JAM3: variants seen among roughly 807,000 people sequenced by gnomAD.
JAM3 encodes junctional adhesion molecule 3.
JAM3 carries 31 observed loss-of-function variants against 39.4 expected under a neutral mutation model. The observed-to-expected ratio is 0.79, with a 90% confidence interval of 0.59 to 1.06. The LOEUF (loss-of-function observed/expected upper bound fraction) is 1.06. Among genes scored for constraint, JAM3 ranks in the 50% least tolerant of loss-of-function variants. JAM3 has a pLI of 0.00. For missense variants in JAM3, 455 were observed against 391.4 expected (o/e 1.16, Z -1.37); for synonymous variants, 182 against 148.7 (o/e 1.22, Z -1.63).
intron 1 of JAM3, among the ~76,000 whole-genome samples, chr11:134,134,488 G>A (rs1043590041): frequency 1.7e-4 from 25 of 150,352 alleles, no homozygotes; most frequent in East Asian, 1.9e-4. Context: ...AAGACAGAGG[G>A]GAAAAGTACC....
rs1401599098 is a variant in JAM3, at chr11:134,144,346, A to G, written c.362A>G (p.Asn121Ser). The change falls in exon 4 of 9, where the codon AAT becomes AGT. Residue 121 changes from asparagine to serine, a missense_variant. By Grantham distance (46) the Asn-to-Ser change is conservative. Transcript: ENST00000299106. ...TATCGCTGTGAGGTCGTTGCTCGAAATGACCGCAAGGAAATTGATGAGATT... is the reference window on the plus strand; with the variant it reads ...TATCGCTGTGAGGTCGTTGCTCGAAGTGACCGCAAGGAAATTGATGAGATT... ...ALYRCEVVARNDRKEIDEIVI... is the reference protein window; with the variant it reads ...ALYRCEVVARSDRKEIDEIVI... 1 of 1,614,234 alleles carries G rather than the reference A, an allele frequency of 6.2e-7. No homozygotes were observed.
intron 6 of JAM3, among the ~76,000 whole-genome samples, chr11:134,147,479 C>A (rs1484594175): frequency 8.6e-4 from 95 of 110,716 alleles, no homozygotes; most frequent in African/African-American, 1.4e-3. Context: ...AAAAAAAAAA[C>A]GATTGCAAGT....
chr11:134,081,308 A>T (rs1177268591), intron 1 of JAM3, among the ~76,000 whole-genome samples: 1 of 152,224 alleles, frequency 6.6e-6, no homozygotes, highest in Admixed American at 6.5e-5. Context: ...GACAATGGGG[A>T]AAATGTCTTC....
At position 134,150,852 on chromosome 11, in the gene JAM3, G is replaced by GCCTTTT; in HGVS notation, c.*1671_*1672insCCTTTT. 4 of 152,140 alleles carry GCCTTTT rather than the reference G, an allele frequency of 2.6e-5. No individual in the cohort carries two copies. In the South Asian group the frequency reaches 8.3e-4, roughly 32 times the overall value. The allele number at this position is 152,140 out of a possible 1,614,324, so 9.4% of individuals were successfully genotyped here. A position where few individuals can be genotyped will look rare whatever the true frequency, so the allele number is the denominator to read the frequency against. The stretch of plus-strand genomic sequence containing the variant: ...GTGGCGGCCAGTCCAGCCTTTTAAA[G>GCCTTTT]AACGTCAGGTGGAGCAGCCAGGTGA... On this transcript the variant is annotated 3_prime_UTR_variant, in exon 9 of 9. Transcript: ENST00000299106.
Position 134,146,157 on chromosome 11 carries a change from C to A in JAM3, c.712+112C>A. 3 of 791,132 alleles carry A rather than the reference C, an allele frequency of 3.8e-6. No individual in the cohort carries two copies. The Admixed American group carries it at 6.0e-5, about 16-fold the overall frequency. The allele number at this position is 791,132 out of a possible 1,614,324, so 49.0% of individuals were successfully genotyped here. A position where few individuals can be genotyped will look rare whatever the true frequency, so the allele number is the denominator to read the frequency against. On this transcript the variant is annotated intron_variant, in intron 6 of 8. Coordinates refer to ENST00000299106, the MANE Select transcript of JAM3 (RefSeq NM_032801.5). ...AACTCTTCCGCCATGGGTTAGCTTT[C>A]TTCTGGAGCTGCCTAGGTCCACCAG...
intron 1 of JAM3, among the ~76,000 whole-genome samples, chr11:134,119,767 TC>T (rs910533906): frequency 2.7e-5 from 4 of 150,546 alleles, no homozygotes; most frequent in African/African-American, 9.7e-5. Context: ...GTTAATCTCA[TC>T]TTAAAAACCC....
Position 134,144,778 on chromosome 11 carries a change from C to CCTTTT in JAM3, c.410-14_410-13insCTTTT. 1 of 1,610,914 alleles carries CCTTTT rather than the reference C, an allele frequency of 6.2e-7. No individual in the cohort carries two copies. The highest frequency in any genetic ancestry group is 8.5e-7 in the Non-Finnish European group (1 of 1,177,476). ...GTCACTGAGATCTTAAACACCACCCCTTTTTCCCCACAGTGAAGCCAGTGA... is the reference window on the plus strand; with the variant it reads ...GTCACTGAGATCTTAAACACCACCCCCTTTTTTTTTCCCCACAGTGAAGCCAGTGA... On this transcript the variant is annotated splice_polypyrimidine_tract_variant and intron_variant, in intron 4 of 8. Coordinates refer to ENST00000299106, the MANE Select transcript of JAM3 (RefSeq NM_032801.5).
chr11:134,141,925 A>C (rs1942980278), intron 3 of JAM3, among the ~76,000 whole-genome samples: 1 of 151,662 alleles, frequency 6.6e-6, no homozygotes, highest in South Asian at 2.1e-4. Context: ...AAGCAGCTCC[A>C]ACACAGTCTT....
intron 1 of JAM3, among the ~76,000 whole-genome samples, chr11:134,122,236 A>G (rs565493428): frequency 6.6e-6 from 1 of 152,338 alleles, no homozygotes; most frequent in South Asian, 2.1e-4. Flanking sequence ...CTACTGGCCT[A>G]GCTGACGCTA....
chr11:134,149,053 C>T (rs139576364), intron 8 of JAM3, 93 bp from the exon 9 acceptor site: 143 of 1,430,100 alleles, frequency 1.0e-4, no homozygotes, highest in Non-Finnish European at 1.3e-4. Context: ...ATGATTATTC[C>T]ATCTGTATTT....
intron 1 of JAM3, among the ~76,000 whole-genome samples, chr11:134,138,495 G>C (rs550866302): frequency 6.6e-6 from 1 of 152,242 alleles, no homozygotes; most frequent in East Asian, 1.9e-4. Flanking sequence ...CTCATGCTGA[G>C]AGAAATGTTT....
intron 1 of JAM3, among the ~76,000 whole-genome samples, chr11:134,097,609 A>AGG (rs1369424881): frequency 6.6e-6 from 1 of 152,158 alleles, no homozygotes; most frequent in Non-Finnish European, 1.5e-5. Flanking sequence ...CTAATGGAGA[A>AGG]GGGAGGCATT....
chr11:134,089,488 T>A (rs1259686), intron 1 of JAM3, among the ~76,000 whole-genome samples: 1 of 151,870 alleles, frequency 6.6e-6, no homozygotes, highest in African/African-American at 2.4e-5. Flanking sequence ...GCCCCGGTGT[T>A]TGATGTTCCC....
intron 1 of JAM3, among the ~76,000 whole-genome samples, chr11:134,131,253 T>G (rs532205209): frequency 1.6e-4 from 23 of 144,228 alleles, no homozygotes; most frequent in South Asian, 1.2e-3. Context: ...GGGGGGTGGT[T>G]GTTGTAGTGT....
Position 134,124,111 on chromosome 11 carries a change from GT to G in JAM3, c.77-15739del, listed in dbSNP as rs937930727. 5.9e-5 allele frequency: 87 copies of G among 1,487,158 alleles called. No individual in the cohort carries two copies. In the African/African-American group the frequency reaches 1.1e-3, roughly 19 times the overall value. 92.1% of individuals were successfully genotyped at this position (1,487,158 alleles called of 1,614,324 possible). A position where few individuals can be genotyped will look rare whatever the true frequency, so the allele number is the denominator to read the frequency against. On this transcript the variant is annotated intron_variant, in intron 1 of 8. Transcript: ENST00000299106. ...CAATCATCTACTATCTGATTAGGGG[GT>G]GGAGCTCCATCATCAAATGGCCAAT... is the stretch of plus-strand genomic sequence containing the variant.
At chr11:134,102,718 C>A (rs990002877) in intron 1 of JAM3, among the ~76,000 whole-genome samples, 4 of 152,162 alleles carry the variant, frequency 2.6e-5, no homozygotes, top group African/African-American at 9.7e-5. Flanking sequence ...GTGACGAATG[C>A]ACAAGCTTTA....
chr11:134,120,041 C>T (rs1942504469), intron 1 of JAM3, among the ~76,000 whole-genome samples: 2 of 151,964 alleles, frequency 1.3e-5, no homozygotes, highest in African/African-American at 2.4e-5. Flanking sequence ...TATCCACCCC[C>T]ACCTCCCACC....
At chr11:134,102,329 A>G (rs1458548854) in intron 1 of JAM3, among the ~76,000 whole-genome samples, 1 of 152,220 alleles carries the variant, frequency 6.6e-6, no homozygotes, top group Non-Finnish European at 1.5e-5. Context: ...AAAACTAACA[A>G]ACAGAAAGGA....
chr11:134,149,818 T>G lies in JAM3; in HGVS notation c.*637T>G, dbSNP rs1284313013. On this transcript the variant is annotated 3_prime_UTR_variant, in exon 9 of 9. Coordinates refer to ENST00000299106, the MANE Select transcript of JAM3 (RefSeq NM_032801.5). ...AGGGATCTTGCCTGAGGAACCCTGC[T>G]TGTCCAACAGGGTGTCAGGATTTAA... The G allele has an allele frequency of 2.7e-6, 1 of 374,006 alleles. No homozygotes were observed. The highest frequency in any genetic ancestry group is 2.1e-5 in the African/African-American group (1 of 47,422). The allele number at this position is 374,006 out of a possible 1,614,324, so 23.2% of individuals were successfully genotyped here.
Sources: gnomAD v4.1 joint callset for allele counts (sites outside exome capture counted in the v4.1 genomes callset) on GRCh38, gnomAD v4.1.1 for gene constraint, MANE v1.5 for transcripts, NCBI Gene and HGNC (gene_info 2026-07-23, HGNC 2026-07-21) for gene names.